The following AFG2B variants were observed in gnomAD, a reference collection of about 807,000 sequenced individuals.
AFG2B encodes the protein ATPase family gene 2 protein homolog B.
the AFG2B span, chr15:45,405,210 C>G: frequency 9.3e-7 from 1 of 1,075,762 alleles, no homozygotes. Flanking sequence ...TTCCCAGTGT[C>G]TGGTTGCTAT....
the AFG2B span, among the ~76,000 whole-genome samples, chr15:45,417,990 G>A: frequency 1.3e-5 from 2 of 152,130 alleles, no homozygotes; most frequent in African/African-American, 2.4e-5. Context: ...CCTTTAAGTT[G>A]TATCTGATAA....
At chr15:45,403,227 C>A in the AFG2B span, 1 of 1,517,422 alleles carries the variant, frequency 6.6e-7, no homozygotes, top group Admixed American at 2.4e-5. Flanking sequence ...TGGCAGTCAG[C>A]GCCCCGGCGC....
chr15:45,403,203 G>T, the AFG2B span: 3 of 1,474,508 alleles, frequency 2.0e-6, no homozygotes, highest in Non-Finnish European at 2.7e-6. Flanking sequence ...CGCGCGAGGC[G>T]GGCGCGGAGC....
the AFG2B span, chr15:45,415,779 GGTAA>G: frequency 6.2e-7 from 1 of 1,612,822 alleles, no homozygotes; most frequent in South Asian, 1.1e-5. Context: ...AAGTCAACAG[GGTAA>G]ATACAAGGAG....
At chr15:45,419,986 T>TACCC in the AFG2B span, among the ~76,000 whole-genome samples, 1 of 49,260 alleles carries the variant, frequency 2.0e-5, no homozygotes, top group Non-Finnish European at 3.6e-5. Flanking sequence ...CAAGACTCTG[T>TACCC]CCCCCCCCCC....
chr15:45,417,241 T>G, the AFG2B span: 1 of 1,603,870 alleles, frequency 6.2e-7, no homozygotes, highest in East Asian at 2.2e-5. Flanking sequence ...CTGATTGACA[T>G]TACTTTGTGT....
At chr15:45,403,532 G>C in the AFG2B span, 1 of 1,599,664 alleles carries the variant, frequency 6.3e-7, no homozygotes, top group South Asian at 1.1e-5. Flanking sequence ...AATGGGCTTG[G>C]CGGGTTTGCC....
the AFG2B span, chr15:45,410,679 T>C: frequency 1.3e-6 from 1 of 760,538 alleles, no homozygotes; most frequent in South Asian, 2.6e-5. Context: ...TTTCAGTCCT[T>C]ATTTAATTGG....
At chr15:45,418,705 T>G in the AFG2B span, 1 of 1,601,520 alleles carries the variant, frequency 6.2e-7, no homozygotes, top group South Asian at 1.1e-5. Flanking sequence ...TTGAAGAAAT[T>G]TGTGGTTCAA....
At chr15:45,421,177 G>A in the AFG2B span, 6 of 1,608,154 alleles carry the variant, frequency 3.7e-6, no homozygotes, top group Non-Finnish European at 5.1e-6. Flanking sequence ...ACTTATTTAA[G>A]AAAGAAGGAT....
At chr15:45,405,941 A>G in the AFG2B span, among the ~76,000 whole-genome samples, 156 of 152,104 alleles carry the variant, frequency 1.0e-3, 2 homozygotes, top group Non-Finnish European at 1.9e-3. Flanking sequence ...TTCTCTCTTC[A>G]TGTGTATTTC....
chr15:45,421,006 C>T, the AFG2B span: 7 of 1,591,812 alleles, frequency 4.4e-6, no homozygotes, highest in Non-Finnish European at 6.0e-6. Context: ...GAAAAAAAAG[C>T]AAAAGAAATT....
the AFG2B span, among the ~76,000 whole-genome samples, chr15:45,413,840 A>C: frequency 2.0e-5 from 3 of 152,204 alleles, no homozygotes; most frequent in Non-Finnish European, 4.4e-5. Flanking sequence ...AGACCTAGGC[A>C]AATTACTTAA....
the AFG2B span, among the ~76,000 whole-genome samples, chr15:45,406,606 A>G: frequency 1.3e-5 from 2 of 152,222 alleles, no homozygotes; most frequent in Non-Finnish European, 2.9e-5. Flanking sequence ...AAAATCCAGT[A>G]TTTTGTATAT....
the AFG2B span, among the ~76,000 whole-genome samples, chr15:45,419,997 C>CAAAAA: frequency 9.3e-5 from 5 of 53,694 alleles, no homozygotes; most frequent in Non-Finnish European, 1.0e-4. Flanking sequence ...CCCCCCCCCC[C>CAAAAA]AAAAAAAAAA....
the AFG2B span, chr15:45,410,663 A>G: frequency 1.2e-6 from 1 of 852,108 alleles, no homozygotes; most frequent in Non-Finnish European, 1.7e-6. Flanking sequence ...AAATCCAATG[A>G]TTGCTTTTCA....
chr15:45,416,591 C>T, the AFG2B span, among the ~76,000 whole-genome samples: 1 of 152,196 alleles, frequency 6.6e-6, no homozygotes, highest in Non-Finnish European at 1.5e-5. Flanking sequence ...CAAATCATTT[C>T]AAAATGCAGG....
the AFG2B span, chr15:45,402,942 TCCC>T: frequency 6.3e-7 from 1 of 1,598,004 alleles, no homozygotes; most frequent in South Asian, 1.1e-5. Flanking sequence ...GGACGCCCAG[TCCC>T]GATCCCGCTG....
chr15:45,410,570 G>T, the AFG2B span: 1 of 1,548,318 alleles, frequency 6.5e-7, no homozygotes, highest in South Asian at 1.2e-5. Context: ...GGATATTACA[G>T]ATTAACATTC....
Sources: allele counts gnomAD v4.1 joint callset (sites outside exome capture counted in the v4.1 genomes callset), GRCh38; gene constraint gnomAD v4.1.1; transcripts MANE v1.5; gene names NCBI Gene and HGNC (gene_info 2026-07-23, HGNC 2026-07-21).